IGF2: variants seen among roughly 807,000 people sequenced by gnomAD.
IGF2 encodes the protein insulin-like growth factor 2.
A neutral mutation model predicts 12.0 loss-of-function variants in IGF2; 2 were observed. The observed-to-expected ratio is 0.17, with a 90% CI of 0.07 to 0.52. The LOEUF (loss-of-function observed/expected upper bound fraction) is 0.52, where lower values mean the gene tolerates loss of function less well. Among genes scored for constraint, IGF2 ranks in the 20% least tolerant of loss-of-function variants. The pLI is 0.95. For missense variants in IGF2, 211 were observed against 268.0 expected (o/e 0.79, Z 1.48); for synonymous variants, 105 against 110.1 (o/e 0.95, Z 0.29).
upstream of IGF2, among the ~76,000 whole-genome samples, chr11:2,141,753 C>A (rs1456775469): frequency 1.3e-5 from 2 of 152,050 alleles, no homozygotes; most frequent in Non-Finnish European, 2.9e-5. Context: ...GGTTTTAACA[C>A]CCTTCAGAGA....
At chr11:2,149,554 G>C in the IGF2 span, 2 of 606,024 alleles carry the variant, frequency 3.3e-6, no homozygotes, top group Non-Finnish European at 5.9e-6. Context: ...GAGGCCGCTG[G>C]GGCAGCTGGC....
Position 2,138,701 on chromosome 11 carries a change from TGAGGGGGG to T in IGF2, c.-487_-480del. ...TTCGGCGAAGGCGAGAGGGCGGGCG[TGAGGGGGG>T]GAGGGAGTCGGAGGCTAGGAGCTGG... On this transcript the variant is annotated 5_prime_UTR_variant, in exon 1 of 4. Coordinates refer to ENST00000416167, the MANE Select transcript of IGF2 (RefSeq NM_000612.6). 2 of 559,436 alleles carry T rather than the reference TGAGGGGGG, an allele frequency of 3.6e-6. No homozygotes were observed. Among genetic ancestry groups the T allele is most frequent in the Non-Finnish European group, 4.0e-6 (2 of 494,418 alleles). 34.7% of individuals were successfully genotyped at this position (559,436 alleles called of 1,614,324 possible). A position where few individuals can be genotyped will look rare whatever the true frequency, so the allele number is the denominator to read the frequency against.
rs1011712909 is a variant in IGF2, at chr11:2,130,318, G to A, written c.*2669C>T. The A allele has an allele frequency of 3.9e-4, 89 of 225,362 alleles. No individual in the cohort carries two copies. The highest frequency in any genetic ancestry group is 1.4e-3 in the African/African-American group (62 of 44,896). 14.0% of individuals were successfully genotyped at this position (225,362 alleles called of 1,614,324 possible). ...AGCCACTGTCCCCAGAAGCCAGGCC[G>A]GACAGTGGCCTTCTCCACTCCCCTC... On this transcript the variant is annotated 3_prime_UTR_variant, in exon 4 of 4. Coordinates refer to ENST00000416167, the MANE Select transcript of IGF2 (RefSeq NM_000612.6).
At chr11:2,134,777 G>T (rs931574096) in intron 2 of IGF2, among the ~76,000 whole-genome samples, 1 of 152,156 alleles carries the variant, frequency 6.6e-6, no homozygotes, top group African/African-American at 2.4e-5. Flanking sequence ...CCAGGCTGGA[G>T]AACCAAGAGA....
chr11:2,146,225 C>T (rs375801660), upstream of IGF2: 5 of 528,844 alleles, frequency 9.5e-6, no homozygotes, highest in African/African-American at 1.9e-5. Context: ...GGGCCTTTCT[C>T]ATTCCCATTT....
chr11:2,147,610 C>T, the IGF2 span: 3 of 1,238,258 alleles, frequency 2.4e-6, no homozygotes, highest in African/African-American at 1.5e-5. The surrounding 1 kb of genome is among the most constrained non-coding windows in gnomAD (Gnocchi z 7.2). Flanking sequence ...TGGCTGCCAG[C>T]CTCAGTTCTG....
chr11:2,130,588 C>CAAAAAAAA lies in IGF2; in HGVS notation c.*2391_*2398dup, dbSNP rs770477972. 3.3e-5 allele frequency: 3 copies of CAAAAAAAA among 92,146 alleles called. No individual in the cohort carries two copies. The highest frequency in any genetic ancestry group is 3.9e-5 in the African/African-American group (1 of 25,950). 5.7% of individuals were successfully genotyped at this position (92,146 alleles called of 1,614,324 possible). A position where few individuals can be genotyped will look rare whatever the true frequency, so the allele number is the denominator to read the frequency against. On this transcript the variant is annotated 3_prime_UTR_variant, in exon 4 of 4. Transcript: ENST00000416167. ...AAGCTAAGGAGGGGTAAAAAAAAAA[C>CAAAAAAAA]AAAAAAAAAAAAAAAAGGAAAAATG...
At chr11:2,149,344 G>C in the IGF2 span, 18 of 1,610,566 alleles carry the variant, frequency 1.1e-5, no homozygotes, top group Non-Finnish European at 1.4e-5. Context: ...ACAAAGCTGA[G>C]GCTGGAGAAA....
the IGF2 span, chr11:2,149,154 C>A: frequency 2.3e-5 from 37 of 1,613,420 alleles, no homozygotes; most frequent in Non-Finnish European, 2.5e-5. Flanking sequence ...GCAGTCCCCG[C>A]AGCTCCTGGA....
chr11:2,134,753 C>A (rs1039807962), intron 2 of IGF2, among the ~76,000 whole-genome samples: 1 of 152,078 alleles, frequency 6.6e-6, no homozygotes, highest in Admixed American at 6.5e-5. Flanking sequence ...GGCCATGCAC[C>A]CACCTGCCAG....
Position 2,133,306 on chromosome 11 carries a change from C to A in IGF2, c.307-83G>T, listed in dbSNP as rs933694780. ...CCGCCCGCCTGACCTGACAGGCCAC[C>A]CCTGTGACTGATCAGTGACTTGAGC... On this transcript the variant is annotated intron_variant, in intron 3 of 3. Coordinates refer to ENST00000416167, the MANE Select transcript of IGF2 (RefSeq NM_000612.6). This position sits in a 1 kb window ranked among gnomAD's most constrained non-coding sequence, Gnocchi z 8.9. 4 of 1,087,568 alleles carry A rather than the reference C, an allele frequency of 3.7e-6. No homozygotes were observed. In the African/African-American group the frequency reaches 6.3e-5, roughly 17 times the overall value. The allele number at this position is 1,087,568 out of a possible 1,614,324, so 67.4% of individuals were successfully genotyped here.
At chr11:2,149,181 C>T in the IGF2 span, 15 of 1,613,308 alleles carry the variant, frequency 9.3e-6, no homozygotes, top group Non-Finnish European at 1.3e-5. Context: ...ATAAAGAGGA[C>T]CGGGGAGTCA....
Position 2,133,330 on chromosome 11 carries a change from G to T in IGF2, c.307-107C>A. The T allele has an allele frequency of 9.8e-7, 1 of 1,021,438 alleles. No individual in the cohort carries two copies. The highest frequency in any genetic ancestry group is 1.4e-6 in the Non-Finnish European group (1 of 707,206). 63.3% of individuals were successfully genotyped at this position (1,021,438 alleles called of 1,614,324 possible). A position where few individuals can be genotyped will look rare whatever the true frequency, so the allele number is the denominator to read the frequency against. ...CCCCTGTGACTGATCAGTGACTTGA[G>T]CTAATGTCCACGGGCAGAGGGACAG... On this transcript the variant is annotated intron_variant, in intron 3 of 3. Transcript: ENST00000416167. This position sits in a 1 kb window ranked among gnomAD's most constrained non-coding sequence, Gnocchi z 8.9.
At chr11:2,141,542 G>A (rs1220501146), upstream of IGF2, among the ~76,000 whole-genome samples, 1 of 152,194 alleles carries the variant, frequency 6.6e-6, no homozygotes, top group African/African-American at 2.4e-5. Flanking sequence ...ATATGAAATT[G>A]GGAATTTTGC....
At chr11:2,140,506 G>T (rs1468364611), upstream of IGF2, 4 of 572,992 alleles carry the variant, frequency 7.0e-6, no homozygotes, top group Non-Finnish European at 1.2e-5. Context: ...GCGCCTCCCG[G>T]CGGAGTCCTA....
At chr11:2,137,588 C>T (rs1319595674) in intron 1 of IGF2, among the ~76,000 whole-genome samples, 1 of 151,986 alleles carries the variant, frequency 6.6e-6, no homozygotes, top group Non-Finnish European at 1.5e-5. Context: ...GCCCACTGGG[C>T]AGGGGCCGCG....
At position 2,138,590 on chromosome 11, in the gene IGF2, A is replaced by AG. The variant is rs1399805454; in HGVS notation, c.-369dup. 1 of 884,860 alleles carries AG rather than the reference A, an allele frequency of 1.1e-6. No homozygotes were observed. Among genetic ancestry groups the AG allele is most frequent in the Non-Finnish European group, 1.3e-6 (1 of 746,908 alleles). 54.8% of individuals were successfully genotyped at this position (884,860 alleles called of 1,614,324 possible). A position where few individuals can be genotyped will look rare whatever the true frequency, so the allele number is the denominator to read the frequency against. ...GGGGGCCGAAGAGAGGGCGAGGGGG[A>AG]GAGAGGACAGCGAGAGGCGGGCAGG... On this transcript the variant is annotated 5_prime_UTR_variant, in exon 1 of 4. Transcript: ENST00000416167.
At chr11:2,147,718 G>A in the IGF2 span, 1 of 1,249,640 alleles carries the variant, frequency 8.0e-7, no homozygotes, top group Non-Finnish European at 1.0e-6. This position sits in a 1 kb window ranked among gnomAD's most constrained non-coding sequence, Gnocchi z 7.2. Flanking sequence ...AGGCTGGGCA[G>A]GGGGCTGAGC....
At chr11:2,134,195 C>T in intron 2 of IGF2, 1 of 477,228 alleles carries the variant, frequency 2.1e-6, no homozygotes, top group Non-Finnish European at 4.3e-6. Context: ...CTTCTTTCCT[C>T]CCGTCTTCCC....
Sources: gnomAD v4.1 joint callset for allele counts (sites outside exome capture counted in the v4.1 genomes callset) on GRCh38, gnomAD v4.1.1 for gene constraint, Gnocchi (gnomAD v3.1) non-coding constraint, MANE v1.5 for transcripts, NCBI Gene and HGNC (gene_info 2026-07-23, HGNC 2026-07-21) for gene names.